SLC25A53: variants seen among roughly 807,000 people sequenced by gnomAD.
SLC25A53 encodes mitochondrial carrier triple repeat protein 6.
SLC25A53 carries 5 observed loss-of-function variants against 15.0 expected under a neutral mutation model. The observed-to-expected ratio is 0.33, with a 90% CI of 0.17 to 0.70. The LOEUF is 0.70. SLC25A53 is among the 30% of genes least tolerant of loss of function. The probability of loss-of-function intolerance (pLI) is 0.67; values close to 1 mark genes in which losing one functional copy is unlikely to be tolerated. For missense variants in SLC25A53, 216 were observed against 241.6 expected (o/e 0.89, Z 0.70); for synonymous variants, 95 against 100.0 (o/e 0.95, Z 0.30).
rs147117581 is a variant in SLC25A53 at position 104,111,142 on chromosome X, A to C, written c.-31-5854T>G. On this transcript the variant is annotated intron_variant, in intron 1 of 1. Coordinates refer to ENST00000594199, the MANE Select transcript of SLC25A53 (RefSeq NM_001012755.5). ...CAGCATCACGTGGTGGTGTTTAGAA[A>C]AGTGGTTCATGAATCTCTCTACACC... 1.5e-3 allele frequency among the ~76,000 whole-genome samples: 163 copies of C among 112,366 alleles called. No homozygotes were observed. In the East Asian group the frequency reaches 0.015, roughly 10 times the overall value.
intron 1 of SLC25A53, among the ~76,000 whole-genome samples, chrX:104,132,870 G>C (rs1279920654): frequency 9.0e-6 from 1 of 111,648 alleles, no homozygotes; most frequent in Non-Finnish European, 1.9e-5. Flanking sequence ...TCTTGGAATG[G>C]AGAGAGCCAG....
chrX:104,152,456 T>C (rs2075487826), intron 1 of SLC25A53, among the ~76,000 whole-genome samples: 1 of 110,136 alleles, frequency 9.1e-6, no homozygotes, highest in African/African-American at 3.3e-5. Flanking sequence ...ATGTGCCACA[T>C]TTTCTTGGTT....
chrX:104,109,136 G>A (rs1435879058), intron 1 of SLC25A53, among the ~76,000 whole-genome samples: 5 of 111,773 alleles, frequency 4.5e-5, no homozygotes, highest in Non-Finnish European at 9.4e-5. Flanking sequence ...CTGAGGAAGT[G>A]GCCTAAGGCA....
At chrX:104,153,259 TATA>T (rs1422263555) in intron 1 of SLC25A53, among the ~76,000 whole-genome samples, 43 of 51,959 alleles carry the variant, frequency 8.3e-4, no homozygotes, top group African/African-American at 2.9e-3. Flanking sequence ...TATATATATA[TATA>T]TTTTTTTTTT....
intron 1 of SLC25A53, among the ~76,000 whole-genome samples, chrX:104,138,948 T>C (rs1340902057): frequency 8.9e-6 from 1 of 112,084 alleles, no homozygotes; most frequent in Non-Finnish European, 1.9e-5. Flanking sequence ...GGGGTTTTTA[T>C]AGGCACAGGA....
rs1168594356 is a variant in SLC25A53, at chrX:104,099,926, A to T, written c.*4408T>A. On this transcript the variant is annotated 3_prime_UTR_variant, in exon 2 of 2. Coordinates refer to ENST00000594199, the MANE Select transcript of SLC25A53 (RefSeq NM_001012755.5). The stretch of plus-strand genomic sequence containing the variant: ...ACTAGTTGGAAATGATGAGGGAGGG[A>T]GTATTAAAAGATTTGAGGAAAGGAA... 4 of 111,557 alleles carry T rather than the reference A, an allele frequency of 3.6e-5. No homozygotes were observed. Among genetic ancestry groups the T allele is most frequent in the Non-Finnish European group, 5.6e-5 (3 of 53,104 alleles). The allele number at this position is 111,557 out of a possible 1,213,427, so 9.2% of individuals were successfully genotyped here.
chrX:104,141,940 T>C (rs554124033), intron 1 of SLC25A53, among the ~76,000 whole-genome samples: 3 of 112,017 alleles, frequency 2.7e-5, no homozygotes, highest in Non-Finnish European at 3.8e-5. Context: ...GCAAAAACTA[T>C]TGATGTATAT....
intron 1 of SLC25A53, among the ~76,000 whole-genome samples, chrX:104,147,232 G>T (rs1452127245): frequency 5.4e-5 from 6 of 111,115 alleles, no homozygotes; most frequent in African/African-American, 1.6e-4. Flanking sequence ...AATGGTGCTG[G>T]GAAAACTGGC....
rs1244679416 is a variant in SLC25A53 at position 104,102,589 on chromosome X, A to C, written c.*1745T>G. ...CGTGTCTTGCTGACAGTGAGTCAATAACTTTATCGTCATGTACAAGGGACA... is the reference window on the plus strand; with the variant it reads ...CGTGTCTTGCTGACAGTGAGTCAATCACTTTATCGTCATGTACAAGGGACA... On this transcript the variant is annotated 3_prime_UTR_variant, in exon 2 of 2. Coordinates refer to ENST00000594199, the MANE Select transcript of SLC25A53 (RefSeq NM_001012755.5). The C allele has an allele frequency of 8.9e-6, 1 of 112,251 alleles. No homozygotes were observed. Among genetic ancestry groups the C allele is most frequent in the Non-Finnish European group, 1.9e-5 (1 of 53,301 alleles). The allele number at this position is 112,251 out of a possible 1,213,427, so 9.3% of individuals were successfully genotyped here.
At chrX:104,108,813 G>A (rs2075324706) in intron 1 of SLC25A53, among the ~76,000 whole-genome samples, 2 of 111,819 alleles carry the variant, frequency 1.8e-5, no homozygotes, top group African/African-American at 6.5e-5. Flanking sequence ...CTCTCAGCCA[G>A]TCCTTTGGTC....
chrX:104,137,060 T>C (rs1303316081), intron 1 of SLC25A53, among the ~76,000 whole-genome samples: 2 of 111,554 alleles, frequency 1.8e-5, no homozygotes, highest in African/African-American at 6.5e-5. Context: ...GTGAGGTAGA[T>C]AATATGATTA....
chrX:104,137,299 A>G (rs1225025415), intron 1 of SLC25A53, among the ~76,000 whole-genome samples: 1 of 111,543 alleles, frequency 9.0e-6, no homozygotes, highest in African/African-American at 3.3e-5. Flanking sequence ...TCAAGGAGAT[A>G]AAAGTTCAGG....
At chrX:104,145,912 C>A (rs1460570794) in intron 1 of SLC25A53, among the ~76,000 whole-genome samples, 1 of 112,175 alleles carries the variant, frequency 8.9e-6, no homozygotes, top group Non-Finnish European at 1.9e-5. Context: ...CCTTCTGAAA[C>A]TATTCCAAAC....
At position 104,105,068 on chromosome X, in the gene SLC25A53, C is replaced by G. The variant is rs1556355358; in HGVS notation, c.190G>C (p.Glu64Gln). ...RQQIHAMAVS[E>Q]AVRQLWHEGP... ...TCATGCCAAAGCTGTCTCACAGCCT[C>G]TGACACTGCCATGGCATGGATCTGT... Residue 64 changes from glutamate to glutamine, a missense_variant, in exon 2 of 2, where the codon GAG (glutamate) becomes CAG (glutamine). Coordinates refer to ENST00000594199, the MANE Select transcript of SLC25A53 (RefSeq NM_001012755.5). 1.7e-6 allele frequency: 2 copies of G among 1,210,820 alleles called. No homozygotes were observed. The highest frequency in any genetic ancestry group is 1.8e-5 in the South Asian group (1 of 56,885).
intron 1 of SLC25A53, among the ~76,000 whole-genome samples, chrX:104,151,028 C>A (rs2075483325): frequency 8.9e-6 from 1 of 111,876 alleles, no homozygotes; most frequent in Non-Finnish European, 1.9e-5. Context: ...CGATTTGGCT[C>A]TTTTACACTG....
At chrX:104,121,042 T>C (rs530373693) in intron 1 of SLC25A53, among the ~76,000 whole-genome samples, 20 of 112,696 alleles carry the variant, frequency 1.8e-4, no homozygotes, top group Middle Eastern at 4.7e-3. Context: ...ACAATTGTTA[T>C]ATATTGCTGG....
At chrX:104,145,869 C>A (rs782299025) in intron 1 of SLC25A53, among the ~76,000 whole-genome samples, 1 of 112,039 alleles carries the variant, frequency 8.9e-6, no homozygotes, top group Non-Finnish European at 1.9e-5. Flanking sequence ...CAGCCAAATT[C>A]TACCAGAGGT....
At chrX:104,139,722 GAGAA>G (rs1556367179) in intron 1 of SLC25A53, among the ~76,000 whole-genome samples, 1 of 111,951 alleles carries the variant, frequency 8.9e-6, no homozygotes, top group Non-Finnish European at 1.9e-5. Flanking sequence ...ACTGAGGCAG[GAGAA>G]CTGCTTGAAC....
intron 1 of SLC25A53, among the ~76,000 whole-genome samples, chrX:104,155,546 T>C (rs1402825744): frequency 9.0e-6 from 1 of 111,643 alleles, no homozygotes; most frequent in Non-Finnish European, 1.9e-5. Flanking sequence ...GAGGCTTCTT[T>C]TCTTGTTCAG....
Sources: gnomAD v4.1 joint callset for allele counts (sites outside exome capture counted in the v4.1 genomes callset) on GRCh38, gnomAD v4.1.1 for gene constraint, MANE v1.5 for transcripts, NCBI Gene and HGNC (gene_info 2026-07-23, HGNC 2026-07-21) for gene names.